Variants in HNRNPA1L3 observed in about 807,000 individuals in gnomAD.
The protein encoded by HNRNPA1L3 is heterogeneous nuclear ribonucleoprotein A1 like 3, also known as heterogeneous nuclear ribonucleoprotein A1-like 3.
the HNRNPA1L3 span, chr16:51,646,495 T>G: frequency 6.3e-7 from 1 of 1,597,980 alleles, no homozygotes; most frequent in South Asian, 1.1e-5. Context: ...GTGGTCGTGG[T>G]GGCTTTGGTG....
At chr16:51,646,943 C>T in the HNRNPA1L3 span, 24 of 718,764 alleles carry the variant, frequency 3.3e-5, no homozygotes, top group South Asian at 1.8e-4. Context: ...GCAAAAAACT[C>T]GAGGACTGTA....
chr16:51,646,279 C>G, the HNRNPA1L3 span: 1 of 1,595,852 alleles, frequency 6.3e-7, no homozygotes, highest in Non-Finnish European at 8.5e-7. Context: ...TAACCTTTGA[C>G]GACCATGACT....
At chr16:51,646,715 C>G in the HNRNPA1L3 span, 3 of 1,598,678 alleles carry the variant, frequency 1.9e-6, no homozygotes, top group Non-Finnish European at 8.5e-7. Context: ...TGCAAAACCA[C>G]GAAACCAAGG....
chr16:51,645,858 G>T, the HNRNPA1L3 span: 1 of 1,605,894 alleles, frequency 6.2e-7, no homozygotes, highest in South Asian at 1.1e-5. Flanking sequence ...GAACAGCTGA[G>T]GAAGCTCTTC....
At chr16:51,646,703 T>G in the HNRNPA1L3 span, 2 of 1,598,670 alleles carry the variant, frequency 1.3e-6, no homozygotes, top group African/African-American at 2.7e-5. Flanking sequence ...AGGCCAATAC[T>G]TTGCAAAACC....
chr16:51,646,160 G>A, the HNRNPA1L3 span: 2 of 1,590,526 alleles, frequency 1.3e-6, no homozygotes, highest in South Asian at 2.2e-5. Flanking sequence ...CATTAAAGAA[G>A]ACACTGAAGA....
chr16:51,645,805 T>A, the HNRNPA1L3 span: 1 of 1,608,046 alleles, frequency 6.2e-7, no homozygotes, highest in Non-Finnish European at 8.5e-7. Context: ...AAGTCTCTCT[T>A]CACCCTGCCG....
chr16:51,646,004 G>A, the HNRNPA1L3 span: 2 of 1,597,364 alleles, frequency 1.3e-6, no homozygotes, highest in Non-Finnish European at 1.7e-6. Flanking sequence ...TGTCACATAT[G>A]CCACTGTGGA....
chr16:51,646,318 C>T, the HNRNPA1L3 span: 1 of 1,575,768 alleles, frequency 6.3e-7, no homozygotes, highest in Admixed American at 1.7e-5. Context: ...TTCAGAAATA[C>T]CATACTGTGA....
chr16:51,646,752 G>A, the HNRNPA1L3 span: 2 of 1,597,214 alleles, frequency 1.3e-6, no homozygotes, highest in Non-Finnish European at 1.7e-6. Context: ...AGCAGCAGCA[G>A]TAGCTATGGC....
the HNRNPA1L3 span, chr16:51,646,875 T>C: frequency 3.2e-6 from 3 of 930,400 alleles, no homozygotes; most frequent in Middle Eastern, 3.1e-4. Context: ...AGCACAGTGG[T>C]GGCAGGGCCT....
At chr16:51,646,519 T>A in the HNRNPA1L3 span, 3 of 1,597,550 alleles carry the variant, frequency 1.9e-6, no homozygotes, top group Non-Finnish European at 1.7e-6. Flanking sequence ...GCCGTGGTGG[T>A]GGTGGATATG....
At chr16:51,646,078 G>A in the HNRNPA1L3 span, 4 of 1,594,346 alleles carry the variant, frequency 2.5e-6, no homozygotes, top group Non-Finnish European at 3.4e-6. Context: ...TGGAACCAAA[G>A]AGAGCTGTCT....
chr16:51,646,327 G>A, the HNRNPA1L3 span: 2 of 1,570,392 alleles, frequency 1.3e-6, no homozygotes, highest in Middle Eastern at 2.3e-4. Flanking sequence ...ACCATACTGT[G>A]AATGGCCACA....
the HNRNPA1L3 span, chr16:51,646,721 C>G: frequency 6.3e-7 from 1 of 1,598,508 alleles, no homozygotes; most frequent in African/African-American, 1.3e-5. Context: ...ACCACGAAAC[C>G]AAGGTGGCTA....
At chr16:51,645,793 T>C in the HNRNPA1L3 span, 4 of 1,608,346 alleles carry the variant, frequency 2.5e-6, no homozygotes, top group Non-Finnish European at 3.4e-6. Context: ...GAAGCATCGT[T>C]AAAGTCTCTC....
the HNRNPA1L3 span, chr16:51,646,242 G>A: frequency 1.9e-6 from 3 of 1,596,708 alleles, no homozygotes; most frequent in Non-Finnish European, 1.7e-6. Flanking sequence ...GACAGAGGCA[G>A]TGGCAAGAAA....
chr16:51,645,848 G>T, the HNRNPA1L3 span: 1 of 1,605,632 alleles, frequency 6.2e-7, no homozygotes, highest in African/African-American at 1.3e-5. Context: ...TAAAGAGCCC[G>T]AACAGCTGAG....
At chr16:51,646,609 C>T in the HNRNPA1L3 span, 1 of 1,592,210 alleles carries the variant, frequency 6.3e-7, no homozygotes, top group Non-Finnish European at 8.5e-7. Context: ...ATGATTTTGG[C>T]AATTACAACA....
Sources: gnomAD v4.1 joint callset for allele counts on GRCh38, gnomAD v4.1.1 for gene constraint, MANE v1.5 for transcripts, NCBI Gene and HGNC (gene_info 2026-07-23, HGNC 2026-07-21) for gene names.